Variants in DMD observed in about 807,000 individuals in gnomAD.
The protein encoded by DMD is dystrophin, also known as mutant dystrophin.
Under a neutral mutation model 330.1 loss-of-function variants are expected in DMD, and 63 were observed. The ratio of observed to expected loss-of-function variants is 0.19; its 90% CI spans 0.16 to 0.24. The LOEUF is 0.24. DMD is among the 10% of genes least tolerant of loss of function. DMD has a pLI of 1.00. For missense variants in DMD, 3,344 were observed against 2,684.1 expected (o/e 1.25, Z -5.43); for synonymous variants, 1,223 against 959.8 (o/e 1.27, Z -5.07).
intron 52 of DMD, among the ~76,000 whole-genome samples, chrX:31,707,448 A>G (rs1304579462): frequency 9.0e-6 from 1 of 110,596 alleles, no homozygotes; most frequent in South Asian, 3.9e-4. Flanking sequence ...TACGGGAACA[A>G]TAGACCCTGG....
intron 44 of DMD, among the ~76,000 whole-genome samples, chrX:32,164,790 C>G (rs756276911): frequency 2.2e-5 from 2 of 92,572 alleles, no homozygotes; most frequent in Non-Finnish European, 4.1e-5. Flanking sequence ...TTTCGTGGAC[C>G]AGGTCCCCCC....
chrX:31,923,592 C>A (rs1375828395), intron 47 of DMD, among the ~76,000 whole-genome samples: 4 of 97,811 alleles, frequency 4.1e-5, no homozygotes, highest in Admixed American at 1.1e-4. Context: ...TAGGTGAACA[C>A]CCTTTTTTTT....
chrX:31,558,778 T>C (rs2075010368), intron 55 of DMD, among the ~76,000 whole-genome samples: 2 of 111,129 alleles, frequency 1.8e-5, no homozygotes, highest in Non-Finnish European at 3.8e-5. Flanking sequence ...TGAATTCTTT[T>C]CTTCTTTTTT....
chrX:31,761,016 G>C (rs1286769575), intron 51 of DMD, among the ~76,000 whole-genome samples: 3 of 99,256 alleles, frequency 3.0e-5, no homozygotes, highest in Non-Finnish European at 4.0e-5. Context: ...CTCCCGAGTA[G>C]CTGGGACCAC....
At position 33,010,401 on chromosome X, in the gene DMD, T is replaced by C. The variant is rs1004540491; in HGVS notation, c.93+9738A>G. Among the ~76,000 whole-genome samples the C allele has an allele frequency of 2.8e-5, 3 of 108,655 alleles. No individual in the cohort carries two copies. In the East Asian group the frequency reaches 8.8e-4, roughly 32 times the overall value. 94.4% of individuals were successfully genotyped at this position (108,655 alleles called of 115,157 possible). ...ATACACATTTTTTAAAAAATAGGTA[T>C]AGGTTGAGCCTCTCAAATCCAAAAA... is the stretch of plus-strand genomic sequence containing the variant. On this transcript the variant is annotated intron_variant, in intron 2 of 78. Transcript: ENST00000357033.
At chrX:31,721,688 C>A (rs1409955107) in intron 52 of DMD, among the ~76,000 whole-genome samples, 2 of 49,887 alleles carry the variant, frequency 4.0e-5, no homozygotes, top group African/African-American at 1.9e-4. Context: ...CTCTCTCACT[C>A]TCTCTCTCTC....
intron 1 of DMD, among the ~76,000 whole-genome samples, chrX:33,089,412 A>G (rs940196233): frequency 7.3e-5 from 8 of 110,291 alleles, no homozygotes; most frequent in African/African-American, 9.9e-5. Context: ...AAAATGATAA[A>G]CCCAGGAATT....
intron 11 of DMD, among the ~76,000 whole-genome samples, chrX:32,619,569 C>T (rs374090059): frequency 1.8e-5 from 2 of 111,751 alleles, no homozygotes; most frequent in Non-Finnish European, 3.8e-5. Context: ...GATGAATATA[C>T]AATTTTATCT....
chrX:32,779,718 T>TGGGGG (rs2074525458), intron 7 of DMD, among the ~76,000 whole-genome samples: 1 of 3,364 alleles, frequency 3.0e-4, no homozygotes, highest in Non-Finnish European at 6.3e-4. Flanking sequence ...TGGGGTGGGG[T>TGGGGG]GGGGTGGGGG....
chrX:33,296,430 G>A (rs2053584923), intron 1 of DMD, among the ~76,000 whole-genome samples: 2 of 110,223 alleles, frequency 1.8e-5, no homozygotes, highest in South Asian at 7.5e-4. Context: ...TGTCTTCTAG[G>A]GTACACTGTA....
chrX:31,186,656 A>C (rs2041803128), intron 67 of DMD, among the ~76,000 whole-genome samples: 1 of 112,604 alleles, frequency 8.9e-6, no homozygotes, highest in South Asian at 3.7e-4. Flanking sequence ...TACAAGTTAA[A>C]TTTTAAAAAG....
rs145871126 is a variant in DMD at position 31,120,689 on chromosome X, C to G, written c.*1230G>C. On this transcript the variant is annotated 3_prime_UTR_variant, in exon 79 of 79. Transcript: ENST00000357033. ...TCCTTCACTTAAAGAGTGGCCTACT[C>G]CTTCACAGGGATGGGCTGGGAATCC... 2.7e-5 allele frequency: 3 copies of G among 111,097 alleles called. No individual in the cohort carries two copies. The highest frequency in any genetic ancestry group is 3.8e-4 in the South Asian group (1 of 2,637). The allele number at this position is 111,097 out of a possible 1,213,427, so 9.2% of individuals were successfully genotyped here.
chrX:31,310,391 ATT>A (rs1210055282), intron 62 of DMD, among the ~76,000 whole-genome samples: 1 of 104,203 alleles, frequency 9.6e-6, no homozygotes, highest in African/African-American at 3.5e-5. Context: ...CTATTATTTG[ATT>A]TTTTTTTTTG....
At chrX:31,530,079 C>T (rs2073607383) in intron 55 of DMD, among the ~76,000 whole-genome samples, 1 of 111,162 alleles carries the variant, frequency 9.0e-6, no homozygotes. Flanking sequence ...ATTCATTCCC[C>T]CTGTATTTCA....
intron 55 of DMD, among the ~76,000 whole-genome samples, chrX:31,585,142 G>A (rs1480086919): frequency 1.8e-5 from 2 of 108,579 alleles, no homozygotes; most frequent in Non-Finnish European, 3.8e-5. Flanking sequence ...GGCAACTGGT[G>A]AAACCCCATC....
At chrX:31,583,245 G>C (rs1426884832) in intron 55 of DMD, among the ~76,000 whole-genome samples, 1 of 111,810 alleles carries the variant, frequency 8.9e-6, no homozygotes, top group Non-Finnish European at 1.9e-5. Flanking sequence ...TCTGCTTATA[G>C]ATACTAATTA....
intron 44 of DMD, among the ~76,000 whole-genome samples, chrX:32,122,568 A>G (rs775354074): frequency 2.7e-5 from 3 of 111,441 alleles, no homozygotes; most frequent in South Asian, 7.6e-4. Context: ...CACAGTCTAA[A>G]TAGTATCTGA....
chrX:32,129,084 C>T (rs781447305), intron 44 of DMD, among the ~76,000 whole-genome samples: 3 of 111,470 alleles, frequency 2.7e-5, no homozygotes, highest in Non-Finnish European at 5.7e-5. Flanking sequence ...GGAAAGAGAA[C>T]CTCCTTTTCC....
chrX:32,893,593 A>T (rs2085424232), intron 2 of DMD, among the ~76,000 whole-genome samples: 1 of 112,224 alleles, frequency 8.9e-6, no homozygotes, highest in Non-Finnish European at 1.9e-5. Context: ...TGTGATAAAC[A>T]GTGGGGTTAT....
Sources: gnomAD v4.1 joint callset for allele counts (sites outside exome capture counted in the v4.1 genomes callset) on GRCh38, gnomAD v4.1.1 for gene constraint, MANE v1.5 for transcripts, NCBI Gene and HGNC (gene_info 2026-07-23, HGNC 2026-07-21) for gene names.